The following CRB1 variants were observed in gnomAD, a reference collection of about 807,000 sequenced individuals.
CRB1 encodes the protein crumbs cell polarity complex component 1, also known as protein crumbs homolog 1.
A neutral mutation model predicts 120.0 loss-of-function variants in CRB1; 83 were observed. The ratio of observed to expected loss-of-function variants is 0.69; its 90% CI spans 0.58 to 0.83. The LOEUF is 0.83. CRB1 is among the 40% of genes least tolerant of loss of function. The probability of loss-of-function intolerance (pLI) is 0.00; values close to 1 mark genes in which losing one functional copy is unlikely to be tolerated. For synonymous variants in CRB1, 625 were observed against 612.5 expected (o/e 1.02, Z -0.30); for missense variants, 1,699 against 1,687.6 (o/e 1.01, Z -0.12).
At chr1:197,372,771 G>A (rs76169311) in intron 5 of CRB1, among the ~76,000 whole-genome samples, 18,931 of 151,748 alleles carry the variant, frequency 0.12, 1,580 homozygotes, top group African/African-American at 0.22. Flanking sequence ...CTCTTTGTAC[G>A]CATACAAGGC....
chr1:197,272,560 C>T (rs989197328), intron 1 of CRB1, among the ~76,000 whole-genome samples: 12 of 151,868 alleles, frequency 7.9e-5, no homozygotes, highest in Non-Finnish European at 1.2e-4. Flanking sequence ...TTAAGCAAAC[C>T]GTGCTACATC....
chr1:197,255,996 T>TATATATATATATATATACAC, the CRB1 span, among the ~76,000 whole-genome samples: 28 of 116,688 alleles, frequency 2.4e-4, no homozygotes, highest in Non-Finnish European at 3.8e-4. Context: ...TATATATATA[T>TATATATATATATATATACAC]ACACTACAAT....
chr1:197,260,581 TAAAGAA>T, the CRB1 span, among the ~76,000 whole-genome samples: 1 of 151,574 alleles, frequency 6.6e-6, no homozygotes, highest in Non-Finnish European at 1.5e-5. Flanking sequence ...ATCAAATAGA[TAAAGAA>T]AAACTATAAA....
At chr1:197,261,596 G>A in the CRB1 span, among the ~76,000 whole-genome samples, 4 of 152,114 alleles carry the variant, frequency 2.6e-5, no homozygotes, top group Admixed American at 2.0e-4. Flanking sequence ...TTATCAAACT[G>A]TAGCATAGAG....
At chr1:197,415,391 C>T (rs1663926982) in intron 5 of CRB1, among the ~76,000 whole-genome samples, 1 of 152,126 alleles carries the variant, frequency 6.6e-6, no homozygotes, top group Non-Finnish European at 1.5e-5. Context: ...TATGACTCCC[C>T]ACTGCCAGAA....
intron 11 of CRB1, among the ~76,000 whole-genome samples, chr1:197,447,231 T>C (rs1221941622): frequency 6.6e-6 from 1 of 152,138 alleles, no homozygotes; most frequent in East Asian, 1.9e-4. Context: ...AGTGATCAAG[T>C]TCACTGAGGC....
chr1:197,421,039 A>G lies in CRB1; in HGVS notation c.1211A>G (p.Asn404Ser). The change falls in exon 6 of 12, where the codon AAC becomes AGC. Residue 404 changes from asparagine (N) to serine (S), a missense_variant. Asn to Ser is a conservative substitution (Grantham distance 46). Transcript: ENST00000367400. Reference protein sequence around the residue: ...CEEDVNECSSNPCQNGGTCEN... With the variant: ...CEEDVNECSSSPCQNGGTCEN... ...GAAGACGTCAATGAATGTTCTTCAAACCCTTGCCAAAATGGTGGTACTTGT... is the reference window on the plus strand; with the variant it reads ...GAAGACGTCAATGAATGTTCTTCAAGCCCTTGCCAAAATGGTGGTACTTGT... The G allele has an allele frequency of 6.2e-7, 1 of 1,614,110 alleles. No homozygotes were observed. Among genetic ancestry groups the G allele is most frequent in the Non-Finnish European group, 8.5e-7 (1 of 1,179,940 alleles).
At chr1:197,299,583 A>G (rs1656746290) in intron 1 of CRB1, among the ~76,000 whole-genome samples, 1 of 152,182 alleles carries the variant, frequency 6.6e-6, no homozygotes, top group Admixed American at 6.6e-5. Context: ...TCATACAGCA[A>G]AAAACTTGAA....
At chr1:197,461,001 T>C (rs895345135) in intron 11 of CRB1, among the ~76,000 whole-genome samples, 1 of 152,150 alleles carries the variant, frequency 6.6e-6, no homozygotes, top group Non-Finnish European at 1.5e-5. Context: ...CAGAATCTAT[T>C]TGTTTTTACC....
At chr1:197,428,449 G>C (rs1224292445) in intron 7 of CRB1, among the ~76,000 whole-genome samples, 1 of 152,152 alleles carries the variant, frequency 6.6e-6, no homozygotes, top group Non-Finnish European at 1.5e-5. Flanking sequence ...ATTTCCTTCT[G>C]GTAGTTGAAA....
chr1:197,443,366 A>T (rs949704108), intron 11 of CRB1: 1 of 151,952 alleles, frequency 6.6e-6, no homozygotes, highest in African/African-American at 2.4e-5. Flanking sequence ...TCTCTAACAA[A>T]GTTACAAATA....
chr1:197,477,341 T>G (rs936356612), intron 11 of CRB1, among the ~76,000 whole-genome samples: 3 of 152,184 alleles, frequency 2.0e-5, no homozygotes, highest in Non-Finnish European at 4.4e-5. Context: ...TAGAATCATT[T>G]TATAAATATA....
intron 5 of CRB1, among the ~76,000 whole-genome samples, chr1:197,407,503 G>A (rs1164771951): frequency 6.6e-6 from 1 of 152,172 alleles, no homozygotes; most frequent in African/African-American, 2.4e-5. Flanking sequence ...GTCTCTGAAA[G>A]TGTTTTATTT....
intron 11 of CRB1, among the ~76,000 whole-genome samples, chr1:197,456,444 T>G (rs1041581539): frequency 6.6e-6 from 1 of 152,086 alleles, no homozygotes; most frequent in African/African-American, 2.4e-5. Flanking sequence ...GTTACTGAAA[T>G]TAAGATGAAA....
chr1:197,280,278 T>C (rs1431886432), intron 1 of CRB1, among the ~76,000 whole-genome samples: 1 of 151,792 alleles, frequency 6.6e-6, no homozygotes, highest in Non-Finnish European at 1.5e-5. Context: ...TAATTGTTAA[T>C]CGTAAATCAG....
intron 4 of CRB1, among the ~76,000 whole-genome samples, chr1:197,356,019 A>G (rs1660462180): frequency 6.6e-6 from 1 of 152,266 alleles, no homozygotes; most frequent in Non-Finnish European, 1.5e-5. Flanking sequence ...GTTAAACTGT[A>G]AGACAATGGT....
At chr1:197,333,915 A>G (rs1659001178) in intron 2 of CRB1, among the ~76,000 whole-genome samples, 1 of 152,236 alleles carries the variant, frequency 6.6e-6, no homozygotes, top group African/African-American at 2.4e-5. Context: ...TATCAAGGTC[A>G]GAGTATTTTC....
At chr1:197,379,615 A>AC (rs1661837970) in intron 5 of CRB1, among the ~76,000 whole-genome samples, 2 of 151,864 alleles carry the variant, frequency 1.3e-5, no homozygotes, top group African/African-American at 2.4e-5. Flanking sequence ...CAAAAAAAAA[A>AC]AAAAAAAAAA....
intron 5 of CRB1, among the ~76,000 whole-genome samples, chr1:197,376,100 C>T (rs964652251): frequency 2.0e-5 from 3 of 152,172 alleles, no homozygotes; most frequent in Admixed American, 1.3e-4. Context: ...TTCTTGTTCA[C>T]TATCATTCTA....
Sources: gnomAD v4.1 joint callset for allele counts (sites outside exome capture counted in the v4.1 genomes callset) on GRCh38, gnomAD v4.1.1 for gene constraint, MANE v1.5 for transcripts, NCBI Gene and HGNC (gene_info 2026-07-23, HGNC 2026-07-21) for gene names.